The following EHMT1 variants were observed in gnomAD, a reference collection of about 807,000 sequenced individuals.
The protein encoded by EHMT1 is histone-lysine N-methyltransferase EHMT1.
In EHMT1, 15 loss-of-function variants were observed where a neutral mutation model predicts 147.2. That is an observed-to-expected ratio of 0.10 (90% CI 0.07 to 0.16). The LOEUF (loss-of-function observed/expected upper bound fraction) is 0.16, where lower values mean the gene tolerates loss of function less well. Among genes scored for constraint, EHMT1 ranks in the 10% least tolerant of loss-of-function variants. EHMT1 has a pLI of 1.00. For synonymous variants in EHMT1, 795 were observed against 709.6 expected, an observed-to-expected ratio of 1.12 and a Z score of -1.91; for missense variants, 1,587 against 1,772.4, an observed-to-expected ratio of 0.90 and a Z score of 1.88.
intron 1 of EHMT1, among the ~76,000 whole-genome samples, chr9:137,629,040 A>AT: frequency 6.7e-6 from 1 of 149,274 alleles, no homozygotes; most frequent in Admixed American, 6.7e-5. Context: ...GGGCAGTTTG[A>AT]TTTTAAGTTG....
intron 2 of EHMT1, chr9:137,715,801 T>C (rs1945160744): frequency 1.0e-6 from 1 of 985,306 alleles, no homozygotes; most frequent in African/African-American, 1.7e-5. Flanking sequence ...CTGTTAGTTA[T>C]TGTGAAGCCT....
At chr9:137,730,605 T>G (rs540985824) in intron 4 of EHMT1, among the ~76,000 whole-genome samples, 356 of 152,354 alleles carry the variant, frequency 2.3e-3, no homozygotes, top group Non-Finnish European at 3.9e-3. Context: ...TGTCTGTTTT[T>G]AAGTACTAAT....
At chr9:137,631,916 T>C (rs998488343) in intron 1 of EHMT1, among the ~76,000 whole-genome samples, 2 of 152,108 alleles carry the variant, frequency 1.3e-5, no homozygotes, top group African/African-American at 4.8e-5. Context: ...GGCTAGAAAT[T>C]CTTACTGCCT....
intron 1 of EHMT1, among the ~76,000 whole-genome samples, chr9:137,652,410 G>A (rs540899978): frequency 1.9e-4 from 28 of 150,468 alleles, no homozygotes; most frequent in East Asian, 6.0e-4. Context: ...TTTTTGAGAC[G>A]GAGTCTCACT....
chr9:137,750,822 G>A (rs561915894), intron 6 of EHMT1, among the ~76,000 whole-genome samples: 5 of 152,256 alleles, frequency 3.3e-5, no homozygotes, highest in African/African-American at 1.2e-4. Context: ...TAATGAGTGG[G>A]ACAGGGAGCC....
intron 24 of EHMT1, 23 bp downstream of exon 24, chr9:137,817,548 C>T: frequency 6.2e-7 from 1 of 1,614,012 alleles, no homozygotes. Flanking sequence ...CTGGGTCACC[C>T]CAAGCCTGGT....
At chr9:137,744,204 C>T in intron 6 of EHMT1, 114 bp downstream of exon 6, 1 of 1,089,248 alleles carries the variant, frequency 9.2e-7, no homozygotes, top group South Asian at 1.4e-5. Flanking sequence ...CCCCTGTTTA[C>T]AATTGGCTTA....
chr9:137,800,807 G>T lies in EHMT1; in HGVS notation c.2608-73G>T, dbSNP rs1953415137. On this transcript the variant is annotated intron_variant, in intron 17 of 26. Coordinates refer to ENST00000460843, the MANE Select transcript of EHMT1 (RefSeq NM_024757.5). ...GTACCTGGGAGGTGCAGAGACCTCG[G>T]CGTGGGAGTCCTCATTGCTCTGGTG... 2.2e-6 allele frequency: 3 copies of T among 1,369,314 alleles called. No individual in the cohort carries two copies. The East Asian group carries it at 7.0e-5, about 32-fold the overall frequency. The allele number at this position is 1,369,314 out of a possible 1,614,324, so 84.8% of individuals were successfully genotyped here.
At chr9:137,810,602 C>T (rs1289820033) in intron 18 of EHMT1, among the ~76,000 whole-genome samples, 1 of 152,084 alleles carries the variant, frequency 6.6e-6, no homozygotes, top group Non-Finnish European at 1.5e-5. Flanking sequence ...TTCTAATTTA[C>T]TGTGTGATTA....
intron 1 of EHMT1, among the ~76,000 whole-genome samples, chr9:137,661,769 C>T (rs1446246421): frequency 1.3e-5 from 2 of 151,920 alleles, no homozygotes; most frequent in Non-Finnish European, 2.9e-5. Context: ...AGCCACTGCA[C>T]CCGGCTGTTT....
intron 18 of EHMT1, 70 bp downstream of exon 18, chr9:137,801,054 T>G: frequency 6.9e-7 from 1 of 1,447,080 alleles, no homozygotes; most frequent in Non-Finnish European, 9.6e-7. Flanking sequence ...CAGAAGGTTC[T>G]TTTCTCAAAA....
chr9:137,682,492 CT>C (rs1459068515), intron 1 of EHMT1, among the ~76,000 whole-genome samples: 1 of 152,172 alleles, frequency 6.6e-6, no homozygotes, highest in African/African-American at 2.4e-5. Context: ...GTTCAGGCTG[CT>C]GTAGCGAGCG....
At chr9:137,697,257 G>C in intron 1 of EHMT1, 1 of 222,804 alleles carries the variant, frequency 4.5e-6, no homozygotes, top group Non-Finnish European at 9.7e-6. Context: ...CGCCAGCCTG[G>C]ATGACAGAGT....
chr9:137,760,430 AC>A (rs897796221), intron 9 of EHMT1, among the ~76,000 whole-genome samples: 4 of 150,344 alleles, frequency 2.7e-5, no homozygotes, highest in South Asian at 2.1e-4. Context: ...CATCTCAGAG[AC>A]CCCCCCAGCT....
intron 2 of EHMT1, 83 bp from the exon 3 acceptor site, chr9:137,716,516 GGTGGGGGAGGAAGTTGTGGTGGTGTCA>G: frequency 2.5e-6 from 2 of 811,562 alleles, no homozygotes. Context: ...GTGGTGTCAT[GGTGGGGGAGGAAGTTGTGGTGGTGTCA>G]TGGTGGGGGA....
At chr9:137,694,249 AC>A (rs1346483894) in intron 1 of EHMT1, among the ~76,000 whole-genome samples, 3 of 71,746 alleles carry the variant, frequency 4.2e-5, no homozygotes, top group Non-Finnish European at 8.0e-5. Flanking sequence ...GCTGGCCGAT[AC>A]CCCCACACAG....
chr9:137,655,577 C>T (rs975849170), intron 1 of EHMT1, among the ~76,000 whole-genome samples: 1 of 152,164 alleles, frequency 6.6e-6, no homozygotes, highest in East Asian at 1.9e-4. Flanking sequence ...ATGCAGGGGT[C>T]CCCAAACTCC....
chr9:137,799,063 C>T (rs1423311483), intron 17 of EHMT1, 149 bp downstream of exon 17: 1 of 680,514 alleles, frequency 1.5e-6, no homozygotes, highest in Non-Finnish European at 2.6e-6. Flanking sequence ...CTCTTCCACA[C>T]TTAGGGCCAG....
intron 1 of EHMT1, among the ~76,000 whole-genome samples, chr9:137,648,857 C>G (rs148495055): frequency 4.8e-4 from 73 of 152,338 alleles, no homozygotes; most frequent in Middle Eastern, 3.4e-3. Context: ...TCCCTGACTT[C>G]TCTCCCTATC....
Sources: allele counts gnomAD v4.1 joint callset (sites outside exome capture counted in the v4.1 genomes callset), GRCh38; gene constraint gnomAD v4.1.1; transcripts MANE v1.5; gene names NCBI Gene and HGNC (gene_info 2026-07-23, HGNC 2026-07-21).